UNC13B: variants seen among roughly 807,000 people sequenced by gnomAD.
UNC13B encodes unc-13 homolog B, also known as protein unc-13 homolog B.
UNC13B carries 144 observed loss-of-function variants against 211.0 expected under a neutral mutation model. The ratio of observed to expected loss-of-function variants is 0.68; its 90% CI spans 0.60 to 0.78. The LOEUF is 0.78. Among genes scored for constraint, UNC13B ranks in the 30% least tolerant of loss-of-function variants. UNC13B has a pLI of 0.00. For synonymous variants in UNC13B, 709 were observed against 725.8 expected (o/e 0.98, Z 0.37); for missense variants, 1,777 against 2,002.0 (o/e 0.89, Z 2.14).
intron 2 of UNC13B, 49 bp from the exon 3 acceptor site, chr9:35,231,071 A>G (rs1261192411): frequency 8.0e-7 from 1 of 1,247,486 alleles, no homozygotes; most frequent in Admixed American, 1.8e-5. Flanking sequence ...TGAGATGGGT[A>G]ACAATCTGAG....
chr9:35,385,878 T>A (rs1406349245), intron 23 of UNC13B, 65 bp downstream of exon 23: 3 of 1,558,652 alleles, frequency 1.9e-6, no homozygotes, highest in Middle Eastern at 1.8e-4. Flanking sequence ...ACGTGAAGAA[T>A]GAGAATCATT....
In UNC13B at chr9:35,308,339, A is replaced by G. The variant is rs565691766; in HGVS notation, c.8935A>G (p.Ser2979Gly). 1 of 399,148 alleles carries G rather than the reference A, an allele frequency of 2.5e-6. No homozygotes were observed. Among genetic ancestry groups the G allele is most frequent in the East Asian group, 3.6e-5 (1 of 28,084 alleles). 24.7% of individuals were successfully genotyped at this position (399,148 alleles called of 1,614,324 possible). ...EKQEEEAVPA[S>G]TDSDLNVQQP... ...ACAAGAAGAGGAGGCAGTACCTGCC[A>G]GTACTGACTCTGATTTGAATGTACA... Residue 2979 changes from serine (S) to glycine (G), a missense_variant, in exon 9 of 40, where the codon AGT becomes GGT. By Grantham distance (56) the Ser-to-Gly change is moderately conservative (BLOSUM62 0). Coordinates refer to ENST00000635942, the MANE Select transcript of UNC13B (RefSeq NM_001371189.2).
chr9:35,281,176 G>A (rs900128091), intron 7 of UNC13B, among the ~76,000 whole-genome samples: 1 of 151,664 alleles, frequency 6.6e-6, no homozygotes, highest in African/African-American at 2.4e-5. Flanking sequence ...CTTGAACCTG[G>A]GAGACGGAGG....
rs758572676 is a variant in UNC13B at position 35,310,735 on chromosome 9, C to T, written c.9277C>T (p.Pro3093Ser). The change falls in exon 10 of 40, where the codon CCA (proline) becomes TCA (serine). Residue 3093 changes from proline (P) to serine (S), a missense_variant. Pro to Ser is a moderately conservative substitution (Grantham distance 74, BLOSUM62 -1). Transcript: ENST00000635942. ...AGAAGATGCCACAACCCACCCTCCC[C>T]CAGATCTGGTGCTGCAAAAAGACCA... Reference protein sequence around the residue: ...MKEDATTHPPPDLVLQKDHFL... With the variant: ...MKEDATTHPPSDLVLQKDHFL... 5 of 1,613,858 alleles carry T rather than the reference C, an allele frequency of 3.1e-6. No individual in the cohort carries two copies. Among genetic ancestry groups the T allele is most frequent in the Non-Finnish European group, 4.2e-6 (5 of 1,179,986 alleles).
intron 6 of UNC13B, among the ~76,000 whole-genome samples, chr9:35,248,627 C>G (rs1587462015): frequency 6.6e-6 from 1 of 152,306 alleles, no homozygotes; most frequent in South Asian, 2.1e-4. Flanking sequence ...AGTAGTCATT[C>G]AGGAGCAGGT....
chr9:35,178,105 C>T (rs1165900098), intron 1 of UNC13B, among the ~76,000 whole-genome samples: 1 of 152,048 alleles, frequency 6.6e-6, no homozygotes, highest in Admixed American at 6.6e-5. Context: ...TGTGTGGAGG[C>T]ACGGTGACAG....
intron 22 of UNC13B, chr9:35,385,364 T>C: frequency 1.0e-6 from 1 of 985,442 alleles, no homozygotes; most frequent in South Asian, 4.7e-5. Flanking sequence ...GATTGTAATT[T>C]TCGAAGAACT....
chr9:35,355,826 A>C (rs1832989026), intron 11 of UNC13B, among the ~76,000 whole-genome samples: 1 of 152,232 alleles, frequency 6.6e-6, no homozygotes, highest in Non-Finnish European at 1.5e-5. Context: ...TCAGCACAGC[A>C]ACAATAGAAA....
chr9:35,335,964 A>G lies in UNC13B; in HGVS notation c.9414+21975A>G, dbSNP rs59138324. On this transcript the variant is annotated intron_variant, in intron 11 of 39. Coordinates refer to ENST00000635942, the MANE Select transcript of UNC13B (RefSeq NM_001371189.2). ...TCAGTCCTTCTACTTCAGCCTCCATAAGTGGTGGGATTACAGGCCTGAGTC... is the reference window on the plus strand; with the variant it reads ...TCAGTCCTTCTACTTCAGCCTCCATGAGTGGTGGGATTACAGGCCTGAGTC... Among the ~76,000 whole-genome samples the G allele has an allele frequency of 3.3e-3, 495 of 152,086 alleles. 2 individuals are homozygous for G. The highest frequency in any genetic ancestry group is 0.011 in the African/African-American group (470 of 41,456).
intron 11 of UNC13B, among the ~76,000 whole-genome samples, chr9:35,320,431 A>C (rs1830683598): frequency 6.6e-6 from 1 of 152,152 alleles, no homozygotes. Context: ...ATGTCTTAAG[A>C]GTGGTTTTCT....
At chr9:35,367,846 G>C (rs1833874113) in intron 12 of UNC13B, among the ~76,000 whole-genome samples, 1 of 152,168 alleles carries the variant, frequency 6.6e-6, no homozygotes, top group African/African-American at 2.4e-5. Flanking sequence ...AAAGAGAGAA[G>C]AGAGTTCAAG....
chr9:35,294,631 A>G (rs1457802255), intron 7 of UNC13B, among the ~76,000 whole-genome samples: 2 of 152,208 alleles, frequency 1.3e-5, no homozygotes, highest in African/African-American at 4.8e-5. Flanking sequence ...AAAATTACTA[A>G]CATGAGTTCA....
intron 11 of UNC13B, among the ~76,000 whole-genome samples, chr9:35,349,431 C>G (rs1438072424): frequency 6.6e-6 from 1 of 151,740 alleles, no homozygotes; most frequent in African/African-American, 2.4e-5. Flanking sequence ...TTGGCATCCT[C>G]TAGACTTTGG....
At chr9:35,359,761 C>T (rs549318674) in intron 11 of UNC13B, among the ~76,000 whole-genome samples, 1 of 152,320 alleles carries the variant, frequency 6.6e-6, no homozygotes, top group South Asian at 2.1e-4. Flanking sequence ...ACCTCCACCA[C>T]TGTCATCCTT....
At chr9:35,343,695 C>T (rs1287664716) in intron 11 of UNC13B, among the ~76,000 whole-genome samples, 1 of 152,066 alleles carries the variant, frequency 6.6e-6, no homozygotes, top group Non-Finnish European at 1.5e-5. Context: ...TTGCAGTGAG[C>T]TTCTACTGCC....
rs1280463525 is a variant in UNC13B, at chr9:35,302,265, A to G, written c.2861A>G (p.Gln954Arg). The change falls in exon 9 of 40, where the codon CAG (glutamine) becomes CGG (arginine). Residue 954 changes from glutamine to arginine, a missense_variant. Coordinates refer to ENST00000635942, the MANE Select transcript of UNC13B (RefSeq NM_001371189.2). The part of the protein sequence containing the change: ...DSTEEFKKND[Q>R]INCPEDAKLN... ...ACAGAGGAATTTAAAAAGAATGACCAGATAAATTGTCCTGAAGATGCCAAA... is the reference window on the plus strand; with the variant it reads ...ACAGAGGAATTTAAAAAGAATGACCGGATAAATTGTCCTGAAGATGCCAAA... The G allele has an allele frequency of 2.5e-6, 1 of 398,628 alleles. No homozygotes were observed. The highest frequency in any genetic ancestry group is 2.1e-5 in the African/African-American group (1 of 48,630). 24.7% of individuals were successfully genotyped at this position (398,628 alleles called of 1,614,324 possible).
rs534688139 is a variant in UNC13B, at chr9:35,266,328, G to A, written c.526+7278G>A. On this transcript the variant is annotated intron_variant, in intron 7 of 39. Transcript: ENST00000635942. ...CCCAGTGTGTTAGGATCAATCCTCT[G>A]CGGCCATTTATAAGATGTTTCCAAA... is the stretch of plus-strand genomic sequence containing the variant. Among the ~76,000 whole-genome samples, 28 of 152,286 alleles carry A rather than the reference G, an allele frequency of 1.8e-4. 1 individual carries two copies. The highest frequency in any genetic ancestry group is 3.9e-4 in the Admixed American group (6 of 15,286).
Position 35,352,922 on chromosome 9 carries a change from G to A in UNC13B, c.9415-14025G>A, listed in dbSNP as rs947543122. The A allele has an allele frequency of 2.3e-5, 28 of 1,232,048 alleles. No homozygotes were observed. The Admixed American group carries it at 5.5e-4, about 24-fold the overall frequency. 76.3% of individuals were successfully genotyped at this position (1,232,048 alleles called of 1,614,324 possible). Reference sequence around the variant, plus strand: ...AGGAAAACCAGAAAATGACTGCCACGATAAAAGTGAGGCCAGCAGCTGCCT... The same window carrying A: ...AGGAAAACCAGAAAATGACTGCCACAATAAAAGTGAGGCCAGCAGCTGCCT... On this transcript the variant is annotated intron_variant, in intron 11 of 39. Transcript: ENST00000635942.
chr9:35,261,329 A>G (rs1472754858), intron 7 of UNC13B, among the ~76,000 whole-genome samples: 1 of 152,198 alleles, frequency 6.6e-6, no homozygotes, highest in East Asian at 1.9e-4. Context: ...GAGCTAGGAA[A>G]GTCAACATAA....
Sources: allele counts gnomAD v4.1 joint callset (sites outside exome capture counted in the v4.1 genomes callset), GRCh38; gene constraint gnomAD v4.1.1; transcripts MANE v1.5; gene names NCBI Gene and HGNC (gene_info 2026-07-23, HGNC 2026-07-21).